Variants in PRR16 observed in about 807,000 individuals in gnomAD.
PRR16 encodes the protein protein Largen.
In PRR16, 6 loss-of-function variants were observed where a neutral mutation model predicts 18.2. The observed-to-expected ratio is 0.33, with a 90% CI of 0.18 to 0.65. The LOEUF (loss-of-function observed/expected upper bound fraction) is 0.65. Among genes scored for constraint, PRR16 ranks in the 30% least tolerant of loss-of-function variants. The probability of loss-of-function intolerance (pLI) is 0.74; values close to 1 mark genes in which losing one functional copy is unlikely to be tolerated. For missense variants in PRR16, 412 were observed against 376.6 expected (o/e 1.09, Z -0.78); for synonymous variants, 151 against 147.8 (o/e 1.02, Z -0.16).
the PRR16 span, among the ~76,000 whole-genome samples, chr5:120,709,616 C>T: frequency 6.6e-5 from 10 of 152,178 alleles, no homozygotes; most frequent in Non-Finnish European, 1.2e-4. Context: ...TACCTGTTAA[C>T]CAAACCCTCT....
At chr5:120,674,977 A>C (rs1406347680) in intron 1 of PRR16, among the ~76,000 whole-genome samples, 3 of 151,908 alleles carry the variant, frequency 2.0e-5, no homozygotes, top group Non-Finnish European at 2.9e-5. Context: ...ACTGCAGTAC[A>C]TTTTCAAGCA....
intron 1 of PRR16, among the ~76,000 whole-genome samples, chr5:120,482,187 G>A (rs753626475): frequency 2.0e-5 from 3 of 152,020 alleles, no homozygotes; most frequent in African/African-American, 7.2e-5. Context: ...TTTAACATGG[G>A]TATATTGTGT....
At chr5:120,701,121 T>C in the PRR16 span, among the ~76,000 whole-genome samples, 1 of 152,200 alleles carries the variant, frequency 6.6e-6, no homozygotes, top group Non-Finnish European at 1.5e-5. Context: ...TTGGAAGTTC[T>C]TGTGTGCTGG....
At chr5:120,759,422 A>G in the PRR16 span, among the ~76,000 whole-genome samples, 1 of 152,144 alleles carries the variant, frequency 6.6e-6, no homozygotes, top group African/African-American at 2.4e-5. Context: ...TTAAGTCTAA[A>G]AAAGACTATA....
chr5:120,530,396 T>C (rs1751513806), intron 1 of PRR16, among the ~76,000 whole-genome samples: 1 of 150,716 alleles, frequency 6.6e-6, no homozygotes, highest in Non-Finnish European at 1.5e-5. Context: ...TGTCAATAAT[T>C]CTCTACTTGC....
At chr5:120,495,794 G>A (rs6595239) in intron 1 of PRR16, among the ~76,000 whole-genome samples, 41,282 of 151,768 alleles carry the variant, frequency 0.27, 6,923 homozygotes, top group African/African-American at 0.47. Context: ...AATTTGTATG[G>A]CTTTTATATC....
At chr5:120,773,997 G>T in the PRR16 span, among the ~76,000 whole-genome samples, 1 of 150,968 alleles carries the variant, frequency 6.6e-6, no homozygotes, top group South Asian at 2.1e-4. Context: ...ACTTGATAAA[G>T]TTAATGTGTT....
intron 1 of PRR16, among the ~76,000 whole-genome samples, chr5:120,681,169 G>A (rs1756961596): frequency 6.6e-6 from 1 of 151,950 alleles, no homozygotes; most frequent in African/African-American, 2.4e-5. Context: ...TTATTCTATT[G>A]TATAGAGTGA....
chr5:120,549,735 T>A (rs1469347179), intron 1 of PRR16, among the ~76,000 whole-genome samples: 2 of 152,058 alleles, frequency 1.3e-5, no homozygotes, highest in Non-Finnish European at 2.9e-5. Flanking sequence ...GGTACATATT[T>A]GTTTTACCTT....
At chr5:120,561,086 T>G (rs951775750) in intron 1 of PRR16, among the ~76,000 whole-genome samples, 17 of 151,996 alleles carry the variant, frequency 1.1e-4, no homozygotes, top group African/African-American at 3.9e-4. Flanking sequence ...CTTTGTTGAT[T>G]TTTTTGTTTT....
chr5:120,566,989 G>C (rs886362816), intron 1 of PRR16, among the ~76,000 whole-genome samples: 2 of 151,720 alleles, frequency 1.3e-5, no homozygotes, highest in Admixed American at 1.3e-4. Context: ...CTGTTCCTAA[G>C]GCATACCCAG....
intron 1 of PRR16, among the ~76,000 whole-genome samples, chr5:120,542,668 C>T (rs1751952502): frequency 6.6e-6 from 1 of 152,054 alleles, no homozygotes; most frequent in African/African-American, 2.4e-5. Flanking sequence ...GTGTCATGGT[C>T]TATGTCAGTA....
chr5:120,678,908 C>T (rs1756888686), intron 1 of PRR16, among the ~76,000 whole-genome samples: 1 of 151,940 alleles, frequency 6.6e-6, no homozygotes, highest in Non-Finnish European at 1.5e-5. Flanking sequence ...TTTGGATTTC[C>T]ACAAATAACT....
At chr5:120,636,817 A>G (rs1409768091) in intron 1 of PRR16, among the ~76,000 whole-genome samples, 1 of 152,152 alleles carries the variant, frequency 6.6e-6, no homozygotes, top group African/African-American at 2.4e-5. Flanking sequence ...CTGCACAGCA[A>G]AAATAAATAA....
intron 1 of PRR16, among the ~76,000 whole-genome samples, chr5:120,535,313 T>A (rs1751680203): frequency 6.6e-6 from 1 of 152,236 alleles, no homozygotes; most frequent in Admixed American, 6.5e-5. Context: ...AATTCTTGTG[T>A]ACCCAAATTC....
intron 1 of PRR16, among the ~76,000 whole-genome samples, chr5:120,681,195 C>CT (rs1756962594): frequency 6.6e-6 from 1 of 152,036 alleles, no homozygotes; most frequent in Non-Finnish European, 1.5e-5. Context: ...ATTTACGATG[C>CT]TTTTCGTTGT....
intron 1 of PRR16, among the ~76,000 whole-genome samples, chr5:120,583,620 G>A (rs1016001728): frequency 6.6e-6 from 1 of 152,162 alleles, no homozygotes; most frequent in Non-Finnish European, 1.5e-5. Context: ...CTTTAGAACT[G>A]TAAATCTTGA....
chr5:120,540,902 T>G (rs1751892509), intron 1 of PRR16, among the ~76,000 whole-genome samples: 1 of 152,190 alleles, frequency 6.6e-6, no homozygotes. Flanking sequence ...AATTTTGTGA[T>G]TGGAACTTCA....
the PRR16 span, among the ~76,000 whole-genome samples, chr5:120,749,341 TTGTTA>T: frequency 2.6e-4 from 39 of 152,202 alleles, 1 homozygote; most frequent in Admixed American, 1.3e-3. Flanking sequence ...TAAGACAAAA[TTGTTA>T]TGTTAGGAGT....
Sources: allele counts gnomAD v4.1 joint callset (sites outside exome capture counted in the v4.1 genomes callset), GRCh38; gene constraint gnomAD v4.1.1; transcripts MANE v1.5; gene names NCBI Gene and HGNC (gene_info 2026-07-23, HGNC 2026-07-21).